Variants in METTL15 observed in about 807,000 individuals in gnomAD.
METTL15 encodes the protein methyltransferase 15, mitochondrial 12S rRNA N4-cytidine, also known as 12S rRNA N(4)-cytidine methyltransferase METTL15.
A neutral mutation model predicts 38.3 loss-of-function variants in METTL15; 34 were observed. The observed-to-expected ratio is 0.89, with a 90% confidence interval of 0.68 to 1.18. The LOEUF is 1.18. METTL15 is among the 50% of genes most tolerant of loss of function. METTL15 has a pLI of 0.00. For synonymous variants in METTL15, 162 were observed against 170.9 expected, an observed-to-expected ratio of 0.95 and a Z score of 0.41; for missense variants, 438 against 498.4, an observed-to-expected ratio of 0.88 and a Z score of 1.15.
intron 6 of METTL15, among the ~76,000 whole-genome samples, chr11:28,485,156 CCATAGCTGG>C (rs1371622929): frequency 2.0e-5 from 3 of 151,244 alleles, no homozygotes; most frequent in Non-Finnish European, 4.4e-5. Flanking sequence ...CCCCACAGAG[CCATAGCTGG>C]CATGGGCATT....
chr11:28,148,812 C>G (rs1451856112), intron 3 of METTL15, among the ~76,000 whole-genome samples: 1 of 151,904 alleles, frequency 6.6e-6, no homozygotes, highest in Non-Finnish European at 1.5e-5. Context: ...GTGGTCAGTC[C>G]TGTCAAGTAG....
At chr11:28,350,123 A>C (rs1850028769) in intron 3 of METTL15, among the ~76,000 whole-genome samples, 1 of 152,152 alleles carries the variant, frequency 6.6e-6, no homozygotes, top group African/African-American at 2.4e-5. Context: ...TATACCTTCT[A>C]TATGCTATGT....
intron 5 of METTL15, among the ~76,000 whole-genome samples, chr11:28,295,938 C>T (rs1285875820): frequency 6.6e-6 from 1 of 152,082 alleles, no homozygotes; most frequent in Non-Finnish European, 1.5e-5. Context: ...TTTTCTAATA[C>T]GTAAAGTCAT....
At chr11:28,155,073 G>A (rs2133728391) in intron 3 of METTL15, among the ~76,000 whole-genome samples, 1 of 152,230 alleles carries the variant, frequency 6.6e-6, no homozygotes, top group East Asian at 1.9e-4. Flanking sequence ...AAGAAAGCAG[G>A]TTAAAGGTAA....
chr11:28,394,951 A>C (rs1646319507), intron 5 of METTL15, among the ~76,000 whole-genome samples: 1 of 152,142 alleles, frequency 6.6e-6, no homozygotes, highest in Non-Finnish European at 1.5e-5. Context: ...TTAAGATGCC[A>C]CAATGGCTGA....
At position 28,389,727 on chromosome 11, in the gene METTL15, A is replaced by G. The variant is rs547415910; in HGVS notation, c.*358+27691A>G. On this transcript the variant is annotated intron_variant and NMD_transcript_variant, in intron 5 of 7. Coordinates refer to the METTL15 transcript ENST00000532947. ...GTGTCTTTATAGCAGCATGATTTAT[A>G]GTCCTTTGGGTATATACCCAGTAAT... Among the ~76,000 whole-genome samples, 201 of 151,880 alleles carry G rather than the reference A, an allele frequency of 1.3e-3. 1 individual carries two copies. Among genetic ancestry groups the G allele is most frequent in the South Asian group, 9.8e-3 (47 of 4,796 alleles).
chr11:28,239,576 T>C (rs1390424558), intron 4 of METTL15, among the ~76,000 whole-genome samples: 2 of 152,196 alleles, frequency 1.3e-5, no homozygotes, highest in Non-Finnish European at 2.9e-5. Flanking sequence ...TTATCCTTCT[T>C]AAAAGCAAAT....
chr11:28,337,597 G>T (rs1590337873), downstream of METTL15, among the ~76,000 whole-genome samples: 1 of 152,130 alleles, frequency 6.6e-6, no homozygotes, highest in African/African-American at 2.4e-5. Context: ...TAATGTCCTA[G>T]GCCTTAACAT....
At chr11:28,111,585 G>A (rs1189156638) in intron 2 of METTL15, among the ~76,000 whole-genome samples, 1 of 152,158 alleles carries the variant, frequency 6.6e-6, no homozygotes, top group Non-Finnish European at 1.5e-5. Flanking sequence ...GTTCCAGTGG[G>A]CAATGTTTAT....
intron 5 of METTL15, among the ~76,000 whole-genome samples, chr11:28,405,099 A>T (rs1287833541): frequency 1.3e-5 from 2 of 152,148 alleles, no homozygotes; most frequent in Admixed American, 6.6e-5. Flanking sequence ...ACAAAAGCTT[A>T]TGGAGCTTGG....
At chr11:28,486,748 T>C (rs578091768) in intron 6 of METTL15, among the ~76,000 whole-genome samples, 1 of 152,328 alleles carries the variant, frequency 6.6e-6, no homozygotes. Flanking sequence ...CAGAGTGTCA[T>C]TTTGCCATGC....
In METTL15 at chr11:28,211,172, A is replaced by C; in HGVS notation, c.381A>C (p.Leu127Phe). 6.2e-7 allele frequency: 1 copy of C among 1,610,542 alleles called. No individual in the cohort carries two copies. The highest frequency in any genetic ancestry group is 8.5e-7 in the Non-Finnish European group (1 of 1,178,500). ...ACAGAGACCCAACAGCTTATGCATT[A>C]GCTGAACATCTTTCAGAGTTGTATC... The part of the protein sequence containing the change: ...ALDRDPTAYA[L>F]AEHLSELYPK... Residue 127 changes from leucine to phenylalanine, a missense_variant, in exon 4 of 7, where the codon TTA (leucine) becomes TTC (phenylalanine). Coordinates refer to ENST00000407364, the MANE Select transcript of METTL15 (RefSeq NM_001113528.2).
chr11:28,287,156 ATG>A (rs150235421), intron 4 of METTL15: 27,976 of 140,360 alleles, frequency 0.2, 2,637 homozygotes, highest in Admixed American at 0.23. Context: ...GAGAGAGACA[ATG>A]TGTGTGTGTG....
At position 28,118,179 on chromosome 11, in the gene METTL15, G is replaced by A. The variant is rs375545945; in HGVS notation, c.270+4575G>A. ...TGAATGTATTTGAAGTGAGGTGCAA[G>A]GCATTTTATAGTTCTTTTTTCTTTA... On this transcript the variant is annotated intron_variant, in intron 3 of 6. Transcript: ENST00000407364. 2.0e-5 allele frequency among the ~76,000 whole-genome samples: 3 copies of A among 151,960 alleles called. No individual in the cohort carries two copies. The East Asian group carries it at 5.8e-4, about 29-fold the overall frequency.
At chr11:28,329,472 G>T (rs894236936) in intron 6 of METTL15, among the ~76,000 whole-genome samples, 1 of 151,964 alleles carries the variant, frequency 6.6e-6, no homozygotes, top group African/African-American at 2.4e-5. Context: ...AAATCAGCTT[G>T]TTAATTTGTA....
chr11:28,524,289 T>C (rs554632602), intron 6 of METTL15, among the ~76,000 whole-genome samples: 1 of 152,356 alleles, frequency 6.6e-6, no homozygotes, highest in East Asian at 1.9e-4. Flanking sequence ...GATAGAGCTC[T>C]GGAAGTACAG....
At chr11:28,326,852 T>C (rs1402773354) in intron 6 of METTL15, among the ~76,000 whole-genome samples, 1 of 152,154 alleles carries the variant, frequency 6.6e-6, no homozygotes, top group Non-Finnish European at 1.5e-5. Context: ...ACTCCTGGGC[T>C]CAAGCCACTT....
intron 3 of METTL15, among the ~76,000 whole-genome samples, chr11:28,115,902 A>G (rs1851924487): frequency 6.7e-6 from 1 of 148,204 alleles, no homozygotes; most frequent in Non-Finnish European, 1.5e-5. Flanking sequence ...ACATACATAT[A>G]TGCATGTATA....
At chr11:28,271,242 C>T (rs942836529) in intron 4 of METTL15, among the ~76,000 whole-genome samples, 1 of 152,104 alleles carries the variant, frequency 6.6e-6, no homozygotes, top group Non-Finnish European at 1.5e-5. Flanking sequence ...TTATAAGGCT[C>T]ATTTTAACAC....
Sources: gnomAD v4.1 joint callset for allele counts (sites outside exome capture counted in the v4.1 genomes callset) on GRCh38, gnomAD v4.1.1 for gene constraint, MANE v1.5 for transcripts, NCBI Gene and HGNC (gene_info 2026-07-23, HGNC 2026-07-21) for gene names.